Variants in DNAH11 observed in about 807,000 individuals in gnomAD.
The protein encoded by DNAH11 is axonemal beta dynein heavy chain 11.
In DNAH11, 442 loss-of-function variants were observed where a neutral mutation model predicts 526.0. The ratio of observed to expected loss-of-function variants is 0.84; its 90% confidence interval spans 0.78 to 0.91. The LOEUF (loss-of-function observed/expected upper bound fraction) is 0.91, where lower values mean the gene tolerates loss of function less well. Among genes scored for constraint, DNAH11 ranks in the 40% least tolerant of loss-of-function variants. The pLI is 0.00. For synonymous variants in DNAH11, 2,461 were observed against 1,935.9 expected, an observed-to-expected ratio of 1.27 and a Z score of -7.12; for missense variants, 6,989 against 5,448.7, an observed-to-expected ratio of 1.28 and a Z score of -8.90.
chr7:21,710,726 A>G, intron 41 of DNAH11, 23 bp downstream of exon 41: 4 of 1,597,356 alleles, frequency 2.5e-6, no homozygotes, highest in Non-Finnish European at 3.4e-6. Flanking sequence ...TCTGTTCTCA[A>G]CCTTAAATAT....
At chr7:21,639,202 A>G (rs966732130) in intron 28 of DNAH11, 137 bp downstream of exon 28, 7 of 1,073,970 alleles carry the variant, frequency 6.5e-6, no homozygotes, top group African/African-American at 3.2e-5. Context: ...TTTGTAATGT[A>G]GCATCAGAGG....
At position 21,855,101 on chromosome 7, in the gene DNAH11, G is replaced by A. The variant is rs530673649; in HGVS notation, c.11202+646G>A. Among the ~76,000 whole-genome samples the A allele has an allele frequency of 4.2e-5, 6 of 142,614 alleles. No individual in the cohort carries two copies. The East Asian group carries it at 6.5e-4, about 15-fold the overall frequency. The allele number at this position is 142,614 out of a possible 152,430, so 93.6% of individuals were successfully genotyped here. A position where few individuals can be genotyped will look rare whatever the true frequency, so the allele number is the denominator to read the frequency against. On this transcript the variant is annotated intron_variant, in intron 68 of 81. Transcript: ENST00000409508. ...CGCTGGAGTGCAGTGGCGCGATCTT[G>A]GCTCACTGCAAGCTCCACCTTCCGG...
chr7:21,626,619 G>C (rs1459388323), intron 25 of DNAH11, among the ~76,000 whole-genome samples: 1 of 151,636 alleles, frequency 6.6e-6, no homozygotes, highest in Non-Finnish European at 1.5e-5. Flanking sequence ...ATCCATTTTT[G>C]CCTATCTTTC....
chr7:21,639,971 T>C (rs1787048002), intron 28 of DNAH11, among the ~76,000 whole-genome samples: 1 of 152,228 alleles, frequency 6.6e-6, no homozygotes, highest in Non-Finnish European at 1.5e-5. Context: ...TGCTGTTCTT[T>C]GGGCACAGTA....
chr7:21,616,451 C>A, intron 22 of DNAH11, 159 bp downstream of exon 22: 2 of 540,016 alleles, frequency 3.7e-6, no homozygotes, highest in Non-Finnish European at 3.2e-6. Context: ...GCCAGTTGCA[C>A]TTCTAATCAA....
intron 67 of DNAH11, among the ~76,000 whole-genome samples, chr7:21,853,375 C>T (rs768211537): frequency 2.6e-5 from 4 of 152,136 alleles, no homozygotes; most frequent in African/African-American, 4.8e-5. Context: ...TTAAATTAAG[C>T]GAGGAAATGG....
chr7:21,548,907 G>C (rs1168989374), intron 2 of DNAH11, among the ~76,000 whole-genome samples: 1 of 150,850 alleles, frequency 6.6e-6, no homozygotes, highest in African/African-American at 2.4e-5. Context: ...TTGAGACGGA[G>C]TTTTGCTCTT....
In DNAH11 at chr7:21,787,656, C is replaced by T. The variant is rs564103376; in HGVS notation, c.9924+73C>T. 75 of 1,303,158 alleles carry T rather than the reference C, an allele frequency of 5.8e-5. 3 individuals carry two copies. In the South Asian group the frequency reaches 1.3e-3, roughly 22 times the overall value. 80.7% of individuals were successfully genotyped at this position (1,303,158 alleles called of 1,614,324 possible). On this transcript the variant is annotated intron_variant, in intron 60 of 81. Transcript: ENST00000409508. Reference sequence around the variant, plus strand: ...GCAAACACATCAATTTCTAGGTCAGCGAGAAGAGTAAAATTTGTTATTTCA... The same window carrying T: ...GCAAACACATCAATTTCTAGGTCAGTGAGAAGAGTAAAATTTGTTATTTCA...
chr7:21,717,413 A>G (rs1784708489), intron 42 of DNAH11, among the ~76,000 whole-genome samples: 1 of 152,158 alleles, frequency 6.6e-6, no homozygotes, highest in Non-Finnish European at 1.5e-5. Context: ...ATCAAGAAAA[A>G]TCACAAGCTG....
At chr7:21,660,420 T>C (rs1782195363) in intron 30 of DNAH11, among the ~76,000 whole-genome samples, 1 of 151,908 alleles carries the variant, frequency 6.6e-6, no homozygotes, top group Admixed American at 6.6e-5. Context: ...CTAACTCTTA[T>C]CTCCAACTTG....
intron 65 of DNAH11, among the ~76,000 whole-genome samples, chr7:21,828,810 ATGTTGTTGT>A (rs149793138): frequency 6.7e-6 from 1 of 149,076 alleles, no homozygotes; most frequent in South Asian, 2.1e-4. Flanking sequence ...TGAAACACCA[ATGTTGTTGT>A]TGTTGTTGTT....
chr7:21,605,587 C>G (rs943759346), intron 18 of DNAH11, among the ~76,000 whole-genome samples: 1 of 152,192 alleles, frequency 6.6e-6, no homozygotes, highest in East Asian at 1.9e-4. Context: ...CTAAAATAAA[C>G]CCAACCTCAA....
intron 68 of DNAH11, among the ~76,000 whole-genome samples, chr7:21,856,310 G>C (rs1415834612): frequency 1.3e-5 from 2 of 152,282 alleles, no homozygotes; most frequent in East Asian, 3.9e-4. Flanking sequence ...GGAATCATTG[G>C]CTCCTGGAGA....
chr7:21,745,212 C>G, intron 51 of DNAH11, 149 bp downstream of exon 51: 1 of 810,364 alleles, frequency 1.2e-6, no homozygotes, highest in Admixed American at 3.2e-5. Context: ...AAAAGGGTCG[C>G]TTTTTAATGT....
intron 25 of DNAH11, among the ~76,000 whole-genome samples, chr7:21,631,002 C>T (rs987856532): frequency 6.6e-6 from 1 of 151,904 alleles, no homozygotes; most frequent in Non-Finnish European, 1.5e-5. Context: ...AACGACATAC[C>T]CAGGGCTGGG....
chr7:21,868,518 A>G (rs1162823119), intron 72 of DNAH11, among the ~76,000 whole-genome samples: 1 of 152,108 alleles, frequency 6.6e-6, no homozygotes, highest in African/African-American at 2.4e-5. Context: ...ATGATGTGAT[A>G]TCTACCACAT....
intron 53 of DNAH11, 70 bp downstream of exon 53, chr7:21,749,871 T>C: frequency 1.3e-6 from 2 of 1,594,440 alleles, no homozygotes; most frequent in Non-Finnish European, 1.7e-6. Context: ...CAGTGAACTT[T>C]AAAGAGAGAG....
At chr7:21,587,189 C>G (rs567295994) in intron 9 of DNAH11, among the ~76,000 whole-genome samples, 1 of 152,332 alleles carries the variant, frequency 6.6e-6, no homozygotes, top group Admixed American at 6.5e-5. Context: ...AGACAAGAGA[C>G]TAATGGGAAT....
intron 73 of DNAH11, among the ~76,000 whole-genome samples, chr7:21,871,708 T>C (rs1270648361): frequency 1.3e-5 from 2 of 152,312 alleles, no homozygotes; most frequent in East Asian, 1.9e-4. Flanking sequence ...TTAGAGTCCT[T>C]ACCTACTGTA....
Sources: allele counts gnomAD v4.1 joint callset (sites outside exome capture counted in the v4.1 genomes callset), GRCh38; gene constraint gnomAD v4.1.1; transcripts MANE v1.5; gene names NCBI Gene and HGNC (gene_info 2026-07-23, HGNC 2026-07-21).